The following CAMK4 variants were observed in gnomAD, a reference collection of about 807,000 sequenced individuals.
CAMK4 encodes calcium/calmodulin-dependent protein kinase type IV.
Under a neutral mutation model 44.9 loss-of-function variants are expected in CAMK4, and 22 were observed. That is an observed-to-expected ratio of 0.49 (90% CI 0.35 to 0.70). The LOEUF is 0.70. Among genes scored for constraint, CAMK4 ranks in the 30% least tolerant of loss-of-function variants. CAMK4 has a pLI of 0.01. For missense variants in CAMK4, 498 were observed against 586.8 expected, an observed-to-expected ratio of 0.85 and a Z score of 1.56; for synonymous variants, 218 against 215.4, an observed-to-expected ratio of 1.01 and a Z score of -0.11.
At chr5:111,388,638 A>G (rs1031706284) in intron 4 of CAMK4, among the ~76,000 whole-genome samples, 11 of 152,176 alleles carry the variant, frequency 7.2e-5, no homozygotes, top group Admixed American at 1.3e-4. Context: ...TAATAACTCT[A>G]TCACATCATT....
chr5:111,423,070 A>T (rs1373597922), intron 5 of CAMK4, among the ~76,000 whole-genome samples: 1 of 152,194 alleles, frequency 6.6e-6, no homozygotes, highest in East Asian at 1.9e-4. Context: ...TTATTTACAA[A>T]ATCTTGTTTA....
chr5:111,337,749 G>C (rs1004461184), intron 1 of CAMK4, among the ~76,000 whole-genome samples: 1 of 151,226 alleles, frequency 6.6e-6, no homozygotes, highest in Non-Finnish European at 1.5e-5. Context: ...CTGAGGAACT[G>C]ATAAGCTCTG....
At chr5:111,352,637 C>CAGAG (rs70973603) in intron 2 of CAMK4, among the ~76,000 whole-genome samples, 10,083 of 109,032 alleles carry the variant, frequency 0.092, 757 homozygotes, top group East Asian at 0.22. Context: ...GGCAGAATAG[C>CAGAG]AGAGAGAGAG....
At chr5:111,432,359 G>A (rs1028267796) in intron 5 of CAMK4, among the ~76,000 whole-genome samples, 1 of 152,050 alleles carries the variant, frequency 6.6e-6, no homozygotes, top group Non-Finnish European at 1.5e-5. Flanking sequence ...AGGCTGGGAA[G>A]TGTAGTAGGG....
At chr5:111,392,147 A>G (rs530368798) in intron 4 of CAMK4, among the ~76,000 whole-genome samples, 2 of 152,284 alleles carry the variant, frequency 1.3e-5, no homozygotes, top group East Asian at 1.9e-4. Context: ...CTCATACACT[A>G]TAAAGAACTA....
At chr5:111,260,075 T>G (rs1459203976) in intron 1 of CAMK4, among the ~76,000 whole-genome samples, 1 of 152,200 alleles carries the variant, frequency 6.6e-6, no homozygotes, top group African/African-American at 2.4e-5. Flanking sequence ...CCGAAAAGAA[T>G]TTTGAAAGAC....
intron 1 of CAMK4, among the ~76,000 whole-genome samples, chr5:111,324,649 A>T (rs612417): frequency 0.45 from 68,120 of 151,788 alleles, 15,453 homozygotes; most frequent in East Asian, 0.51. Context: ...ACAAGTGAAC[A>T]AAAAATAAAG....
chr5:111,242,228 C>T (rs538134690), intron 1 of CAMK4, among the ~76,000 whole-genome samples: 56 of 152,286 alleles, frequency 3.7e-4, no homozygotes, highest in African/African-American at 1.3e-3. Flanking sequence ...CCTAATAAGA[C>T]ATATTCTCCC....
intron 1 of CAMK4, among the ~76,000 whole-genome samples, chr5:111,229,590 G>C (rs992134002): frequency 6.6e-6 from 1 of 152,170 alleles, no homozygotes; most frequent in African/African-American, 2.4e-5. Context: ...CCATTCTCGT[G>C]ACCAGAGCTT....
At chr5:111,437,219 C>T (rs1753676329) in intron 5 of CAMK4, among the ~76,000 whole-genome samples, 1 of 152,170 alleles carries the variant, frequency 6.6e-6, no homozygotes, top group Non-Finnish European at 1.5e-5. Flanking sequence ...TTGCTGTGGA[C>T]ATAGATTGCC....
intron 2 of CAMK4, 76 bp from the exon 3 acceptor site, chr5:111,374,774 T>C: frequency 1.1e-6 from 1 of 879,484 alleles, no homozygotes. Flanking sequence ...CCCAGGTAGT[T>C]ATTGCTGTTT....
At chr5:111,230,175 C>G (rs1156860318) in intron 1 of CAMK4, among the ~76,000 whole-genome samples, 1 of 152,184 alleles carries the variant, frequency 6.6e-6, no homozygotes, top group East Asian at 1.9e-4. Context: ...TAACCCTAAT[C>G]TCAATCAGCA....
intron 1 of CAMK4, among the ~76,000 whole-genome samples, chr5:111,270,892 G>A (rs1750482145): frequency 6.6e-6 from 1 of 152,198 alleles, no homozygotes; most frequent in African/African-American, 2.4e-5. Context: ...AAGGAAGGAG[G>A]TTTAATTGAC....
chr5:111,381,923 A>G (rs1399972190), intron 4 of CAMK4, among the ~76,000 whole-genome samples: 1 of 55,154 alleles, frequency 1.8e-5, no homozygotes, highest in Non-Finnish European at 3.3e-5. Context: ...CTATGCAAAT[A>G]TGAAAACAGA....
intron 8 of CAMK4, among the ~76,000 whole-genome samples, chr5:111,477,572 C>T (rs1755291616): frequency 6.6e-6 from 1 of 152,186 alleles, no homozygotes; most frequent in Admixed American, 6.5e-5. Flanking sequence ...TTGGTGGTCA[C>T]AAACAACTCG....
intron 5 of CAMK4, among the ~76,000 whole-genome samples, chr5:111,426,400 A>C (rs1188589691): frequency 6.6e-6 from 1 of 152,230 alleles, no homozygotes; most frequent in Non-Finnish European, 1.5e-5. Flanking sequence ...CAAAAATTAC[A>C]CTGTGAACAT....
rs1755677516 is a variant in CAMK4 at position 111,487,621 on chromosome 5, T to G, written c.*3155T>G. 1 of 152,192 alleles carries G rather than the reference T, an allele frequency of 6.6e-6. No homozygotes were observed. 9.4% of individuals were successfully genotyped at this position (152,192 alleles called of 1,614,324 possible). Reference sequence around the variant, plus strand: ...TTATTCTATCGATATATAGTCAATATTAAAATTTAATGTGATATTTTGAAT... The same window carrying G: ...TTATTCTATCGATATATAGTCAATAGTAAAATTTAATGTGATATTTTGAAT... On this transcript the variant is annotated 3_prime_UTR_variant, in exon 11 of 11. Coordinates refer to ENST00000282356, the MANE Select transcript of CAMK4 (RefSeq NM_001744.6).
At chr5:111,472,510 T>C (rs1159795053) in intron 7 of CAMK4, among the ~76,000 whole-genome samples, 1 of 152,184 alleles carries the variant, frequency 6.6e-6, no homozygotes, top group Non-Finnish European at 1.5e-5. Context: ...AATAACACCC[T>C]TAGTACTCAG....
chr5:111,442,583 T>A (rs1732680483), intron 5 of CAMK4, among the ~76,000 whole-genome samples: 1 of 150,008 alleles, frequency 6.7e-6, no homozygotes, highest in Non-Finnish European at 1.5e-5. Flanking sequence ...TTCCAGAGGC[T>A]ACATGGTGTG....
Sources: allele counts gnomAD v4.1 joint callset (sites outside exome capture counted in the v4.1 genomes callset), GRCh38; gene constraint gnomAD v4.1.1; transcripts MANE v1.5; gene names NCBI Gene and HGNC (gene_info 2026-07-23, HGNC 2026-07-21).